Variants in CLIP1 observed in about 807,000 individuals in gnomAD.
CLIP1 encodes the protein CAP-Gly domain containing linker protein 1.
Under a neutral mutation model 161.6 loss-of-function variants are expected in CLIP1, and 66 were observed. The ratio of observed to expected loss-of-function variants is 0.41; its 90% CI spans 0.33 to 0.50. The LOEUF (loss-of-function observed/expected upper bound fraction) is 0.50, where lower values mean the gene tolerates loss of function less well. CLIP1 is among the 20% of genes least tolerant of loss of function. The pLI is 0.27. For missense variants in CLIP1, 1,376 were observed against 1,702.0 expected (o/e 0.81, Z 3.37); for synonymous variants, 598 against 626.2 (o/e 0.96, Z 0.67).
chr12:122,309,363 T>G (rs1047216953), intron 20 of CLIP1, among the ~76,000 whole-genome samples: 44 of 152,302 alleles, frequency 2.9e-4, no homozygotes, highest in Non-Finnish European at 5.6e-4. Context: ...ACCAAATCTA[T>G]ATTCTTGGAA....
chr12:122,356,596 GTCCCTCTCCCTCTCTCCCTCTCCCTCTC>G (rs571554222), intron 5 of CLIP1, among the ~76,000 whole-genome samples: 4 of 151,846 alleles, frequency 2.6e-5, no homozygotes, highest in Admixed American at 6.6e-5. Context: ...AATGAATTGG[GTCCCTCTCCCTCTCTCCCTCTCCCTCTC>G]TCCCTCTCCC....
chr12:122,354,612 A>G, intron 6 of CLIP1, 56 bp from the exon 7 acceptor site: 1 of 1,386,762 alleles, frequency 7.2e-7, no homozygotes, highest in Non-Finnish European at 1.0e-6. Flanking sequence ...ATACAGACCC[A>G]GTGATACTTC....
intron 1 of CLIP1, among the ~76,000 whole-genome samples, chr12:122,420,964 T>TGGAC (rs1376504979): frequency 6.6e-6 from 1 of 150,596 alleles, no homozygotes; most frequent in African/African-American, 2.4e-5. Context: ...GATGGATGGA[T>TGGAC]AGACAGACAG....
chr12:122,420,326 C>T (rs1331456023), intron 1 of CLIP1, among the ~76,000 whole-genome samples: 1 of 147,518 alleles, frequency 6.8e-6, no homozygotes, highest in Non-Finnish European at 1.5e-5. Flanking sequence ...GCCTAGGCAA[C>T]AAGAGTGAAA....
Position 122,377,456 on chromosome 12 carries a change from G to T in CLIP1, c.590C>A (p.Ser197Tyr), listed in dbSNP as rs753011387. 4.7e-5 allele frequency: 76 copies of T among 1,614,102 alleles called. No homozygotes were observed. Among genetic ancestry groups the T allele is most frequent in the Non-Finnish European group, 6.3e-5 (74 of 1,180,032 alleles). The stretch of plus-strand genomic sequence containing the variant: ...GATTGAGCCAGCCTCTGAAAGGTTG[G>T]AGATAGATTCACTGGCAGTTTTTGT... ...NLTKTASESI[S>Y]NLSEAGSIKK... Residue 197 changes from serine to tyrosine, a missense_variant, in exon 3 of 26, where the codon TCC becomes TAC. By Grantham distance (144) the Ser-to-Tyr change is moderately radical (BLOSUM62 -2). This residue lies in a region of CLIP1 where 119 missense variants were observed against 112.0 expected (regional missense o/e 1.06). Coordinates refer to ENST00000620786, the MANE Select transcript of CLIP1 (RefSeq NM_001247997.2).
At chr12:122,352,660 A>C in intron 8 of CLIP1, 66 bp downstream of exon 8, 1 of 1,367,850 alleles carries the variant, frequency 7.3e-7, no homozygotes, top group Non-Finnish European at 1.0e-6. Context: ...CAATTGGTGC[A>C]TTATTTCGCC....
At chr12:122,401,788 C>T (rs1054880281) in intron 1 of CLIP1, among the ~76,000 whole-genome samples, 1 of 151,970 alleles carries the variant, frequency 6.6e-6, no homozygotes, top group Non-Finnish European at 1.5e-5. Context: ...GACCTGAGGT[C>T]AGGAGTTCAA....
At chr12:122,334,756 G>T in intron 12 of CLIP1, 51 bp from the exon 13 acceptor site, 1 of 1,174,740 alleles carries the variant, frequency 8.5e-7, no homozygotes, top group South Asian at 1.3e-5. Context: ...AAATTGTAAA[G>T]ACAAGAAGTT....
chr12:122,422,191 G>A (rs1292703185), intron 1 of CLIP1, among the ~76,000 whole-genome samples: 1 of 152,148 alleles, frequency 6.6e-6, no homozygotes, highest in African/African-American at 2.4e-5. Flanking sequence ...GCGCCAGGGA[G>A]AGAGCGGCGC....
chr12:122,422,420 GA>G (rs1220631970), intron 1 of CLIP1, 100 bp downstream of exon 1: 1 of 151,274 alleles, frequency 6.6e-6, no homozygotes, highest in Non-Finnish European at 1.5e-5. Flanking sequence ...GCCGGGCTTC[GA>G]CCCCCGACCC....
At chr12:122,373,399 G>T (rs1397151885) in intron 3 of CLIP1, among the ~76,000 whole-genome samples, 1 of 151,234 alleles carries the variant, frequency 6.6e-6, no homozygotes. Flanking sequence ...CTCCAACCTA[G>T]GGGGACAGAG....
chr12:122,361,708 A>C (rs993936116), intron 4 of CLIP1, among the ~76,000 whole-genome samples: 2 of 152,170 alleles, frequency 1.3e-5, no homozygotes, highest in Non-Finnish European at 2.9e-5. Context: ...TCTACAAAAA[A>C]TACAAAAACT....
At chr12:122,379,780 C>A (rs1475186751) in intron 2 of CLIP1, among the ~76,000 whole-genome samples, 1 of 151,578 alleles carries the variant, frequency 6.6e-6, no homozygotes, top group Non-Finnish European at 1.5e-5. Flanking sequence ...CCCATCTCCA[C>A]TAAAAATACA....
intron 1 of CLIP1, chr12:122,400,691 G>A (rs905872837): frequency 1.3e-5 from 2 of 152,172 alleles, no homozygotes; most frequent in Non-Finnish European, 2.9e-5. Context: ...CTATGACTAA[G>A]CTCCATGAGA....
At chr12:122,380,674 G>A (rs2136836543) in intron 1 of CLIP1, 116 bp from the exon 2 acceptor site, 1 of 349,864 alleles carries the variant, frequency 2.9e-6, no homozygotes, top group Non-Finnish European at 5.2e-6. Context: ...TCTCCAGGCT[G>A]AACCTAGGAA....
intron 19 of CLIP1, among the ~76,000 whole-genome samples, chr12:122,310,981 G>C (rs1951043428): frequency 2.0e-5 from 3 of 152,072 alleles, no homozygotes; most frequent in Admixed American, 2.0e-4. Flanking sequence ...AATTCTCTTA[G>C]CACACTAAAT....
rs2136222843 is a variant in CLIP1 at position 122,278,956 on chromosome 12, G to A, written c.3766-14C>T. 1 of 1,606,336 alleles carries A rather than the reference G, an allele frequency of 6.2e-7. No individual in the cohort carries two copies. The highest frequency in any genetic ancestry group is 1.7e-4 in the Middle Eastern group (1 of 6,018). ...GAGCACTGTGACCTGAAACACAGTTGTTTAGCTTAGGCTGAGGGTTTGAAC... is the reference window on the plus strand; with the variant it reads ...GAGCACTGTGACCTGAAACACAGTTATTTAGCTTAGGCTGAGGGTTTGAAC... On this transcript the variant is annotated splice_polypyrimidine_tract_variant and intron_variant, in intron 22 of 25. Coordinates refer to ENST00000620786, the MANE Select transcript of CLIP1 (RefSeq NM_001247997.2).
intron 12 of CLIP1, 129 bp downstream of exon 12, chr12:122,336,503 C>A: frequency 1.7e-6 from 1 of 604,248 alleles, no homozygotes; most frequent in Admixed American, 2.6e-5. Flanking sequence ...CAGCCAATAA[C>A]TAATACACTC....
intron 11 of CLIP1, among the ~76,000 whole-genome samples, chr12:122,340,254 A>G (rs934972602): frequency 1.3e-5 from 2 of 151,746 alleles, no homozygotes; most frequent in African/African-American, 4.8e-5. Flanking sequence ...CTAATTTTGT[A>G]TTTTTAGTAG....
Sources: allele counts gnomAD v4.1 joint callset (sites outside exome capture counted in the v4.1 genomes callset), GRCh38; gene constraint gnomAD v4.1.1; regional missense constraint gnomAD v4.1.1; transcripts MANE v1.5; gene names NCBI Gene and HGNC (gene_info 2026-07-23, HGNC 2026-07-21).